The following SLC2A13 variants were observed in gnomAD, a reference collection of about 807,000 sequenced individuals.
SLC2A13 encodes proton myo-inositol cotransporter.
A neutral mutation model predicts 64.4 loss-of-function variants in SLC2A13; 32 were observed. The ratio of observed to expected loss-of-function variants is 0.50; its 90% CI spans 0.37 to 0.67. SLC2A13 has a LOEUF of 0.67. Ranked by LOEUF, SLC2A13 falls within the 30% of genes least tolerant of loss-of-function variation. The pLI is 0.00. For missense variants in SLC2A13, 743 were observed against 829.2 expected, an observed-to-expected ratio of 0.90 and a Z score of 1.28; for synonymous variants, 338 against 327.1, an observed-to-expected ratio of 1.03 and a Z score of -0.36.
chr12:40,057,457 G>A (rs1021617238), intron 1 of SLC2A13, among the ~76,000 whole-genome samples: 2 of 152,150 alleles, frequency 1.3e-5, no homozygotes, highest in Non-Finnish European at 2.9e-5. Context: ...TAGGTAATAT[G>A]AAATGACATA....
intron 4 of SLC2A13, among the ~76,000 whole-genome samples, chr12:39,878,605 G>T (rs1944255626): frequency 6.6e-6 from 1 of 152,218 alleles, no homozygotes; most frequent in Admixed American, 6.5e-5. Flanking sequence ...CATTCAAGAA[G>T]TCGCCTGTCT....
rs75995532 is a variant in SLC2A13, at chr12:39,797,989, A to T, written c.1445+32114T>A. Among the ~76,000 whole-genome samples the T allele has an allele frequency of 1.6e-3, 250 of 152,296 alleles. 2 individuals are homozygous for T. The East Asian group carries it at 0.026, about 16-fold the overall frequency. The stretch of plus-strand genomic sequence containing the variant: ...CAGAATAGGGTTGACTTGTGTAACC[A>T]ATTTGATATTATGGAATGATGAAGT... On this transcript the variant is annotated intron_variant, in intron 7 of 9. Transcript: ENST00000280871.
intron 3 of SLC2A13, among the ~76,000 whole-genome samples, chr12:39,955,683 G>C (rs1180106256): frequency 6.6e-6 from 1 of 152,122 alleles, no homozygotes; most frequent in Non-Finnish European, 1.5e-5. Flanking sequence ...GCGATCGGAA[G>C]ACAATCCTAG....
At chr12:39,854,189 T>C (rs906659841) in intron 6 of SLC2A13, among the ~76,000 whole-genome samples, 3 of 152,102 alleles carry the variant, frequency 2.0e-5, no homozygotes, top group Admixed American at 6.5e-5. Context: ...TACATCACTT[T>C]AGGCAAATGA....
intron 2 of SLC2A13, among the ~76,000 whole-genome samples, chr12:40,030,912 A>C (rs1947893098): frequency 6.6e-6 from 1 of 152,206 alleles, no homozygotes; most frequent in African/African-American, 2.4e-5. Flanking sequence ...TAACGTGTGG[A>C]AAAGGAATTT....
intron 4 of SLC2A13, among the ~76,000 whole-genome samples, chr12:39,898,881 A>G (rs1016681216): frequency 2.0e-5 from 3 of 152,164 alleles, no homozygotes; most frequent in African/African-American, 4.8e-5. Flanking sequence ...CCTTGTATAT[A>G]AAATGGAAAA....
intron 3 of SLC2A13, among the ~76,000 whole-genome samples, chr12:39,979,080 C>A (rs1037828991): frequency 1.3e-5 from 2 of 151,888 alleles, no homozygotes; most frequent in South Asian, 4.2e-4. Flanking sequence ...CCTCACATGG[C>A]AGGGTATTCC....
At chr12:39,867,940 T>C (rs1374182174) in intron 5 of SLC2A13, among the ~76,000 whole-genome samples, 1 of 152,210 alleles carries the variant, frequency 6.6e-6, no homozygotes, top group African/African-American at 2.4e-5. Context: ...GGAAATGGTA[T>C]CTTAAACGAC....
At chr12:39,941,036 G>A (rs1946016009) in intron 4 of SLC2A13, among the ~76,000 whole-genome samples, 1 of 151,918 alleles carries the variant, frequency 6.6e-6, no homozygotes, top group Non-Finnish European at 1.5e-5. Context: ...TGCAAATGCT[G>A]TTAATTAATT....
intron 6 of SLC2A13, among the ~76,000 whole-genome samples, chr12:39,837,369 C>T (rs1943039693): frequency 7.3e-6 from 1 of 136,926 alleles, no homozygotes; most frequent in African/African-American, 2.8e-5. Flanking sequence ...AAACGTTAGA[C>T]CTAAAACCAT....
chr12:40,085,131 T>C (rs1938548405), intron 1 of SLC2A13, among the ~76,000 whole-genome samples: 3 of 152,332 alleles, frequency 2.0e-5, no homozygotes, highest in Admixed American at 6.5e-5. Flanking sequence ...AACTCATCCA[T>C]GTACCAACAG....
chr12:39,818,980 AAACTCAATGTT>A (rs1235381308), intron 7 of SLC2A13, among the ~76,000 whole-genome samples: 2 of 152,156 alleles, frequency 1.3e-5, no homozygotes, highest in Non-Finnish European at 2.9e-5. Context: ...TATTTCCCAA[AAACTCAATGTT>A]AAACGAACGA....
At chr12:39,935,497 A>T (rs1277725664) in intron 4 of SLC2A13, among the ~76,000 whole-genome samples, 1 of 152,238 alleles carries the variant, frequency 6.6e-6, no homozygotes. Flanking sequence ...GGATATGAAC[A>T]GAATAAAAAC....
At chr12:39,826,442 G>A (rs981221920) in intron 7 of SLC2A13, among the ~76,000 whole-genome samples, 2 of 147,364 alleles carry the variant, frequency 1.4e-5, no homozygotes, top group African/African-American at 5.0e-5. Context: ...ATATTTAGAT[G>A]TAATTTTTCT....
intron 7 of SLC2A13, among the ~76,000 whole-genome samples, chr12:39,780,779 G>A (rs1224926918): frequency 3.3e-5 from 5 of 152,190 alleles, no homozygotes; most frequent in Middle Eastern, 3.4e-3. Context: ...ATACATACAC[G>A]AAAACATGGA....
At chr12:39,947,299 G>A (rs1946151978) in intron 4 of SLC2A13, among the ~76,000 whole-genome samples, 1 of 152,074 alleles carries the variant, frequency 6.6e-6, no homozygotes, top group Non-Finnish European at 1.5e-5. Context: ...CTGTTTTTCT[G>A]TGTAACCTTA....
At chr12:39,949,028 G>C (rs1946185741) in intron 4 of SLC2A13, among the ~76,000 whole-genome samples, 1 of 152,106 alleles carries the variant, frequency 6.6e-6, no homozygotes, top group Non-Finnish European at 1.5e-5. Context: ...AGACTAGAGA[G>C]AGCAGGAGAA....
At chr12:40,006,872 T>G (rs375992148) in intron 3 of SLC2A13, among the ~76,000 whole-genome samples, 1 of 152,228 alleles carries the variant, frequency 6.6e-6, no homozygotes, top group East Asian at 1.9e-4. Context: ...CAAGATCATA[T>G]TTTTAATTCC....
intron 7 of SLC2A13, among the ~76,000 whole-genome samples, chr12:39,788,083 A>G (rs1295255081): frequency 6.6e-6 from 1 of 152,134 alleles, no homozygotes; most frequent in African/African-American, 2.4e-5. Flanking sequence ...GGGTATATAA[A>G]CAAAAATTAT....
Sources: allele counts gnomAD v4.1 joint callset (sites outside exome capture counted in the v4.1 genomes callset), GRCh38; gene constraint gnomAD v4.1.1; transcripts MANE v1.5; gene names NCBI Gene and HGNC (gene_info 2026-07-23, HGNC 2026-07-21).